Variants in MAP4 observed in about 807,000 individuals in gnomAD.
MAP4 encodes the protein microtubule-associated protein 4.
Under a neutral mutation model 170.2 loss-of-function variants are expected in MAP4, and 76 were observed. The ratio of observed to expected loss-of-function variants is 0.45; its 90% confidence interval spans 0.37 to 0.54. MAP4 has a LOEUF of 0.54. Among genes scored for constraint, MAP4 ranks in the 20% least tolerant of loss-of-function variants. The pLI is 0.00. For synonymous variants in MAP4, 909 were observed against 994.5 expected (o/e 0.91, Z 1.62); for missense variants, 2,506 against 2,748.0 (o/e 0.91, Z 1.97).
chr3:48,074,713 T>TGTGTGTGTGTGTGTGTGTGTG (rs2100142927), intron 1 of MAP4, among the ~76,000 whole-genome samples: 1 of 149,984 alleles, frequency 6.7e-6, no homozygotes, highest in Non-Finnish European at 1.5e-5. Context: ...TGTGTGTGTG[T>TGTGTGTGTGTGTGTGTGTGTG]GTGTGTGTGT....
chr3:47,906,555 T>C (rs1388631188), intron 9 of MAP4, among the ~76,000 whole-genome samples: 1 of 151,274 alleles, frequency 6.6e-6, no homozygotes, highest in Admixed American at 6.6e-5. Flanking sequence ...TGGTGGTGCA[T>C]GCCTGTAATC....
At chr3:47,972,361 T>C (rs985869805) in intron 3 of MAP4, among the ~76,000 whole-genome samples, 4 of 152,128 alleles carry the variant, frequency 2.6e-5, no homozygotes, top group Non-Finnish European at 4.4e-5. Context: ...AGGAAGACTT[T>C]GAATGTGAAT....
chr3:47,949,711 A>G (rs1412538255), intron 3 of MAP4, among the ~76,000 whole-genome samples: 2 of 152,214 alleles, frequency 1.3e-5, no homozygotes, highest in African/African-American at 2.4e-5. Flanking sequence ...CTGCTTTGCA[A>G]TAATGAAGCT....
intron 15 of MAP4, among the ~76,000 whole-genome samples, chr3:47,870,032 T>C (rs1359472960): frequency 1.3e-5 from 2 of 152,098 alleles, no homozygotes; most frequent in Non-Finnish European, 2.9e-5. Flanking sequence ...TCTTAACAGC[T>C]CCAGATTAAG....
intron 10 of MAP4, among the ~76,000 whole-genome samples, chr3:47,897,904 T>G (rs1467247587): frequency 7.1e-6 from 1 of 140,496 alleles, no homozygotes; most frequent in East Asian, 2.0e-4. Flanking sequence ...ATCCCACCAC[T>G]GCACTCCAGG....
intron 1 of MAP4, among the ~76,000 whole-genome samples, chr3:48,015,561 T>A (rs905489504): frequency 2.6e-5 from 4 of 152,166 alleles, no homozygotes. Context: ...ATATTCAACA[T>A]CAGATTTTTT....
rs183261724 is a variant in MAP4, at chr3:47,923,112, C to T, written c.416-1234G>A. Among the ~76,000 whole-genome samples, 28 of 151,888 alleles carry T rather than the reference C, an allele frequency of 1.8e-4. No homozygotes were observed. The East Asian group carries it at 4.9e-3, about 26-fold the overall frequency. On this transcript the variant is annotated intron_variant, in intron 4 of 20. Coordinates refer to ENST00000683076, the MANE Select transcript of MAP4 (RefSeq NM_001385682.1). The stretch of plus-strand genomic sequence containing the variant: ...CAAGAGTTCCACTTTCTGAAGAGGC[C>T]TTCTTGGAATTTATTTTATTATCTT...
At position 47,916,279 on chromosome 3, in the gene MAP4, C is replaced by T. The variant is rs142463147; in HGVS notation, c.1548G>A (p.Leu516=). ...CTGGAGGTGGAGTCACATCCTTGCCCAGAGCCATTTCTGTTTCTGATAGTG... is the reference window on the plus strand; with the variant it reads ...CTGGAGGTGGAGTCACATCCTTGCCTAGAGCCATTTCTGTTTCTGATAGTG... The part of the protein sequence containing the change: ...MSPLSETEMA[L]GKDVTPPPET... The change falls in exon 7 of 21, where the codon CTG becomes CTA. Residue 516 remains leucine, a synonymous_variant. Coordinates refer to ENST00000683076, the MANE Select transcript of MAP4 (RefSeq NM_001385682.1). The T allele has an allele frequency of 1.2e-3, 1,927 of 1,614,192 alleles. 3 individuals are homozygous for T. Among genetic ancestry groups the T allele is most frequent in the Non-Finnish European group, 1.5e-3 (1,780 of 1,180,038 alleles).
Position 47,972,524 on chromosome 3 carries a change from T to C in MAP4, c.292+5341A>G, listed in dbSNP as rs180694218. Among the ~76,000 whole-genome samples, 25 of 152,350 alleles carry C rather than the reference T, an allele frequency of 1.6e-4. No individual in the cohort carries two copies. The East Asian group carries it at 4.8e-3, about 29-fold the overall frequency. On this transcript the variant is annotated intron_variant, in intron 3 of 20. Transcript: ENST00000683076. ...GACTTTCTCACCAAATGACATTAAA[T>C]ATCAGTAGTCATTTGAACTTCTTAA...
chr3:47,858,614 T>TGTGC (rs1491506129), intron 17 of MAP4, among the ~76,000 whole-genome samples: 1,835 of 138,496 alleles, frequency 0.013, 21 homozygotes, highest in Middle Eastern at 0.036. Context: ...TGTGTGTGTG[T>TGTGC]GCGCGTTGTG....
At position 47,910,491 on chromosome 3, in the gene MAP4, C is replaced by T. The variant is rs2100035435; in HGVS notation, c.3930G>A (p.Lys1310=). The T allele has an allele frequency of 6.5e-7, 1 of 1,535,928 alleles. No homozygotes were observed. The highest frequency in any genetic ancestry group is 1.4e-5 in the African/African-American group (1 of 73,006). ...TLGENKISTV[K]ASTVTEPPAK... Reference sequence around the variant, plus strand: ...CAGGTGGTTCAGTAACAGTAGAAGCCTTGACTGTGCTTATCTTGTTTTCCC... The same window carrying T: ...CAGGTGGTTCAGTAACAGTAGAAGCTTTGACTGTGCTTATCTTGTTTTCCC... Residue 1310 remains lysine (K), a synonymous_variant, in exon 9 of 21, where the codon AAG becomes AAA. Transcript: ENST00000683076.
chr3:48,075,634 C>T (rs2100143442), intron 1 of MAP4, among the ~76,000 whole-genome samples: 1 of 151,966 alleles, frequency 6.6e-6, no homozygotes, highest in Non-Finnish European at 1.5e-5. Flanking sequence ...TTTTCAACAA[C>T]TGGTTCAAGG....
intron 2 of MAP4, among the ~76,000 whole-genome samples, chr3:47,986,507 A>AT (rs971344847): frequency 2.2e-4 from 33 of 151,840 alleles, no homozygotes; most frequent in Non-Finnish European, 7.4e-5. Flanking sequence ...CACCTGGCTA[A>AT]TTTTTGTATT....
At chr3:48,055,524 G>A (rs1330383742) in intron 1 of MAP4, among the ~76,000 whole-genome samples, 175 of 146,306 alleles carry the variant, frequency 1.2e-3, no homozygotes, top group African/African-American at 4.0e-3. Flanking sequence ...TGCCCAGGCT[G>A]GAGTGCAGTG....
chr3:48,038,919 T>C (rs537445674), intron 1 of MAP4, among the ~76,000 whole-genome samples: 5 of 152,168 alleles, frequency 3.3e-5, no homozygotes, highest in South Asian at 2.1e-4. Flanking sequence ...CTGGGCAACA[T>C]GGTGAGATCC....
At chr3:47,915,404 C>A (rs1414061074) in intron 7 of MAP4, among the ~76,000 whole-genome samples, 1 of 152,096 alleles carries the variant, frequency 6.6e-6, no homozygotes, top group African/African-American at 2.4e-5. Context: ...GTGTGAGCCA[C>A]CATGCCCGGT....
At chr3:48,073,457 C>A (rs561078454) in intron 1 of MAP4, among the ~76,000 whole-genome samples, 1 of 151,538 alleles carries the variant, frequency 6.6e-6, no homozygotes, top group East Asian at 2.0e-4. Flanking sequence ...ACTAAAAATA[C>A]AAAATTAGCC....
chr3:47,964,595 C>G (rs2100073717), intron 3 of MAP4, among the ~76,000 whole-genome samples: 1 of 152,110 alleles, frequency 6.6e-6, no homozygotes, highest in Admixed American at 6.5e-5. Flanking sequence ...AGATTTCAAG[C>G]TCGAATTTCA....
chr3:48,063,840 G>A (rs2100137105), intron 1 of MAP4, among the ~76,000 whole-genome samples: 1 of 152,208 alleles, frequency 6.6e-6, no homozygotes. Flanking sequence ...CAGTAGTTAA[G>A]GGGAAGAAGT....
Sources: gnomAD v4.1 joint callset for allele counts (sites outside exome capture counted in the v4.1 genomes callset) on GRCh38, gnomAD v4.1.1 for gene constraint, MANE v1.5 for transcripts, NCBI Gene and HGNC (gene_info 2026-07-23, HGNC 2026-07-21) for gene names.